USP44: variants seen among roughly 807,000 people sequenced by gnomAD.
USP44 encodes ubiquitin carboxyl-terminal hydrolase 44.
In USP44, 61 loss-of-function variants were observed where a neutral mutation model predicts 69.0. That is an observed-to-expected ratio of 0.88 (90% CI 0.72 to 1.09). The LOEUF (loss-of-function observed/expected upper bound fraction) is 1.09. USP44 is among the 50% of genes least tolerant of loss of function. The pLI is 0.00. For synonymous variants in USP44, 297 were observed against 295.4 expected (o/e 1.01, Z -0.06); for missense variants, 753 against 849.9 (o/e 0.89, Z 1.42).
chr12:95,524,926 C>G, intron 3 of USP44, 138 bp from the exon 4 acceptor site: 1 of 753,992 alleles, frequency 1.3e-6, no homozygotes, highest in Non-Finnish European at 1.9e-6. Context: ...TAGAGATAGA[C>G]ATGGGCTTTG....
chr12:95,548,806 C>T lies in USP44; in HGVS notation c.-71+2466G>A, dbSNP rs1408010985. 6.6e-6 allele frequency: 1 copy of T among 152,002 alleles called. No individual in the cohort carries two copies. Among genetic ancestry groups the T allele is most frequent in the Non-Finnish European group, 1.5e-5 (1 of 68,034 alleles). The allele number at this position is 152,002 out of a possible 1,614,324, so 9.4% of individuals were successfully genotyped here. On this transcript the variant is annotated intron_variant, in intron 1 of 5. Coordinates refer to ENST00000258499, the MANE Select transcript of USP44 (RefSeq NM_032147.5). The surrounding 1 kb of genome is among the most constrained non-coding windows in gnomAD (Gnocchi z 4.1). ...CGGGGCGGCCATCTTAGCGCTCACC[C>T]CGGCCCCCCGCCCCCCGGTTCGGCG...
At position 95,551,396 on chromosome 12, in the gene USP44, G is replaced by C. The variant is rs6538644; in HGVS notation, c.-195C>G. 0.71 allele frequency: 108,335 copies of C among 152,330 alleles called. 39,511 individuals are homozygous for C. The highest frequency in any genetic ancestry group is 0.87 in the African/African-American group (35,895 of 41,442). The allele number at this position is 152,330 out of a possible 1,614,324, so 9.4% of individuals were successfully genotyped here. On this transcript the variant is annotated 5_prime_UTR_variant, in exon 1 of 6. Coordinates refer to ENST00000258499, the MANE Select transcript of USP44 (RefSeq NM_032147.5). ...GATCTCCTAAGTGAAAAGTCCTGGC[G>C]GCTGCCTCCAGTGCCCCCCTGCAAA... is the stretch of plus-strand genomic sequence containing the variant.
At chr12:95,520,007 C>CAAAGAAAAAAAAAAAAAAAAAA (rs2076605809) in intron 5 of USP44, among the ~76,000 whole-genome samples, 1 of 34,508 alleles carries the variant, frequency 2.9e-5, no homozygotes, top group African/African-American at 1.1e-4. Context: ...GACTCTGTCT[C>CAAAGAAAAAAAAAAAAAAAAAA]AAAAAAAAAA....
intron 5 of USP44, among the ~76,000 whole-genome samples, chr12:95,519,773 C>T (rs1366226881): frequency 6.7e-6 from 1 of 150,204 alleles, no homozygotes; most frequent in Non-Finnish European, 1.5e-5. Flanking sequence ...GGCATGGTGG[C>T]TCACGCCTGT....
intron 1 of USP44, among the ~76,000 whole-genome samples, chr12:95,544,437 A>C (rs1168460868): frequency 6.6e-6 from 1 of 152,188 alleles, no homozygotes; most frequent in Non-Finnish European, 1.5e-5. Flanking sequence ...TTGGAAAGAA[A>C]GCATGGAAAG....
intron 4 of USP44, among the ~76,000 whole-genome samples, chr12:95,524,157 T>A (rs1369711299): frequency 2.6e-5 from 4 of 152,014 alleles, no homozygotes; most frequent in African/African-American, 9.7e-5. Flanking sequence ...ATCGGCTCAC[T>A]GCAACCTCTA....
intron 5 of USP44, among the ~76,000 whole-genome samples, chr12:95,519,430 G>GTTTTT (rs1565798412): frequency 7.1e-5 from 8 of 112,470 alleles, no homozygotes; most frequent in African/African-American, 2.6e-4. Context: ...TACTCAATCT[G>GTTTTT]TATTTTTTTT....
At chr12:95,539,273 T>C (rs1299997964) in intron 1 of USP44, among the ~76,000 whole-genome samples, 1 of 151,314 alleles carries the variant, frequency 6.6e-6, no homozygotes, top group Non-Finnish European at 1.5e-5. Context: ...TCAACCAGGC[T>C]GGAGTGCAGT....
intron 1 of USP44, among the ~76,000 whole-genome samples, chr12:95,541,151 T>C (rs1592736120): frequency 6.6e-6 from 1 of 152,060 alleles, no homozygotes; most frequent in South Asian, 2.1e-4. Context: ...TGGTGGCAGG[T>C]GCCTGTAATC....
At position 95,533,281 on chromosome 12, in the gene USP44, C is replaced by G. The variant is rs1212552539; in HGVS notation, c.976G>C (p.Val326Leu). 6.2e-7 allele frequency: 1 copy of G among 1,614,110 alleles called. No homozygotes were observed. The change falls in exon 2 of 6, where the codon GTC becomes CTC. Residue 326 changes from valine to leucine, a missense_variant. Coordinates refer to ENST00000258499, the MANE Select transcript of USP44 (RefSeq NM_032147.5). Reference protein sequence around the residue: ...EKTRSCKHPPVTDTVVYQMNE... With the variant: ...EKTRSCKHPPLTDTVVYQMNE... ...ATTTGATATACTACTGTATCTGTGACTGGTGGATGCTTACAAGATCTTGTC... is the reference window on the plus strand; with the variant it reads ...ATTTGATATACTACTGTATCTGTGAGTGGTGGATGCTTACAAGATCTTGTC...
intron 3 of USP44, among the ~76,000 whole-genome samples, chr12:95,525,625 C>T (rs1207576489): frequency 1.3e-5 from 2 of 152,222 alleles, no homozygotes; most frequent in Non-Finnish European, 2.9e-5. Context: ...GGCCAACGGC[C>T]TAGGAAAGCA....
chr12:95,537,220 G>A (rs1339086825), intron 1 of USP44, among the ~76,000 whole-genome samples: 4 of 152,160 alleles, frequency 2.6e-5, no homozygotes, highest in Non-Finnish European at 4.4e-5. Flanking sequence ...GTTAAGGGAA[G>A]GATCTAGGGC....
chr12:95,549,221 C>T (rs1241998944), intron 1 of USP44, among the ~76,000 whole-genome samples: 3 of 152,188 alleles, frequency 2.0e-5, no homozygotes, highest in Admixed American at 6.5e-5. Flanking sequence ...TAAAACCTTC[C>T]CCAATTCACT....
chr12:95,544,722 A>T (rs1032389146), intron 1 of USP44, among the ~76,000 whole-genome samples: 2 of 152,204 alleles, frequency 1.3e-5, no homozygotes, highest in Non-Finnish European at 2.9e-5. Context: ...ACATCTGTAT[A>T]GTGTGGAAAA....
At chr12:95,521,304 C>T in intron 4 of USP44, 102 bp from the exon 5 acceptor site, 1 of 1,035,254 alleles carries the variant, frequency 9.7e-7, no homozygotes, top group Admixed American at 1.8e-5. Context: ...GCATGGAATA[C>T]AAAGTATCAT....
Position 95,534,267 on chromosome 12 carries a change from T to C in USP44, c.-11A>G. ...ATCCATTGCTAGCATTTATTTAGTC[T>C]AGCTGAGAAATGCATAATCCAAACA... On this transcript the variant is annotated 5_prime_UTR_variant, in exon 2 of 6. Transcript: ENST00000258499. The C allele has an allele frequency of 6.3e-7, 1 of 1,598,108 alleles. No individual in the cohort carries two copies. Among genetic ancestry groups the C allele is most frequent in the Non-Finnish European group, 8.5e-7 (1 of 1,169,760 alleles).
At chr12:95,526,894 G>A (rs1328672816) in intron 3 of USP44, among the ~76,000 whole-genome samples, 3 of 151,976 alleles carry the variant, frequency 2.0e-5, no homozygotes, top group African/African-American at 7.3e-5. Flanking sequence ...TGCTATGTAA[G>A]TATATCTTAT....
chr12:95,533,904 C>T lies in USP44; in HGVS notation c.353G>A (p.Arg118Lys), dbSNP rs1430855912. The change falls in exon 2 of 6, where the codon AGG becomes AAG. Residue 118 changes from arginine to lysine, a missense_variant. By Grantham distance (26) the Arg-to-Lys change is conservative. Transcript: ENST00000258499. ...ACCTGTACCCATGGACCGTAAAAACCTCCCACTACGAGTTGTGCAGTGATA... is the reference window on the plus strand; with the variant it reads ...ACCTGTACCCATGGACCGTAAAAACTTCCCACTACGAGTTGTGCAGTGATA... ...QNYHCTTRSG[R>K]FLRSMGTGDD... is the part of the protein sequence containing the mutation. 3 of 1,614,162 alleles carry T rather than the reference C, an allele frequency of 1.9e-6. No homozygotes were observed. Among genetic ancestry groups the T allele is most frequent in the Admixed American group, 1.7e-5 (1 of 60,006 alleles).
rs112223141 is a variant in USP44 at position 95,534,128 on chromosome 12, G to A, written c.129C>T (p.Ser43=). 1.4e-5 allele frequency: 22 copies of A among 1,614,060 alleles called. No individual in the cohort carries two copies. In the Admixed American group the frequency reaches 2.7e-4, roughly 20 times the overall value. ...ATCTTCCACAGGCAACATGGGAGCA[G>A]CTAAGGCAAGCCCAAATGGACTCGG... is the stretch of plus-strand genomic sequence containing the variant. ...NTTESIWACL[S]CSHVACGRYI... is the part of the protein sequence containing the mutation. Residue 43 remains serine, a synonymous_variant, in exon 2 of 6, where the codon AGC becomes AGT. Coordinates refer to ENST00000258499, the MANE Select transcript of USP44 (RefSeq NM_032147.5).
Sources: allele counts gnomAD v4.1 joint callset (sites outside exome capture counted in the v4.1 genomes callset), GRCh38; gene constraint gnomAD v4.1.1; non-coding constraint Gnocchi (gnomAD v3.1); transcripts MANE v1.5; gene names NCBI Gene and HGNC (gene_info 2026-07-23, HGNC 2026-07-21).